Variants in MAD1L1 observed in about 807,000 individuals in gnomAD.
MAD1L1 encodes the protein mitotic arrest deficient 1 like 1, also known as mitotic spindle assembly checkpoint protein MAD1.
MAD1L1 carries 95 observed loss-of-function variants against 96.9 expected under a neutral mutation model. The observed-to-expected ratio is 0.98, with a 90% CI of 0.83 to 1.16. The LOEUF is 1.16. Ranked by LOEUF, MAD1L1 falls within the 50% of genes most tolerant of loss-of-function variation. The pLI is 0.00. For missense variants in MAD1L1, 1,007 were observed against 954.4 expected, an observed-to-expected ratio of 1.06 and a Z score of -0.73; for synonymous variants, 473 against 396.6, an observed-to-expected ratio of 1.19 and a Z score of -2.29.
intron 13 of MAD1L1, among the ~76,000 whole-genome samples, chr7:2,011,936 C>T (rs574737751): frequency 6.6e-6 from 1 of 152,232 alleles, no homozygotes; most frequent in South Asian, 2.1e-4. Flanking sequence ...GGAGGACCAG[C>T]CGTGTGAACT....
intron 16 of MAD1L1, among the ~76,000 whole-genome samples, chr7:1,943,699 G>A (rs1779103130): frequency 6.6e-6 from 1 of 152,058 alleles, no homozygotes; most frequent in Non-Finnish European, 1.5e-5. Context: ...TGGTGAAACG[G>A]TTACCATGTG....
rs116618262 is a variant in MAD1L1 at position 1,883,283 on chromosome 7, C to T, written c.1998+14917G>A. On this transcript the variant is annotated intron_variant, in intron 18 of 18. Transcript: ENST00000265854. ...GTGAATCACAAATGTCCACCCCTTC[C>T]CCCACCATGAGCTCCTTAACACCCG... 7.9e-3 allele frequency among the ~76,000 whole-genome samples: 1,201 copies of T among 152,276 alleles called. 15 individuals are homozygous for T. Among genetic ancestry groups the T allele is most frequent in the African/African-American group, 0.028 (1,162 of 41,536 alleles).
At chr7:1,853,595 A>G (rs546567070) in intron 18 of MAD1L1, among the ~76,000 whole-genome samples, 1 of 152,020 alleles carries the variant, frequency 6.6e-6, no homozygotes, top group African/African-American at 2.4e-5. Flanking sequence ...CTGCCTGACC[A>G]CAGCAGACTG....
At chr7:2,108,259 A>C (rs1288471823) in intron 11 of MAD1L1, among the ~76,000 whole-genome samples, 1 of 152,194 alleles carries the variant, frequency 6.6e-6, no homozygotes, top group Non-Finnish European at 1.5e-5. Context: ...TCATCCCCAC[A>C]TTGTGTCTCA....
At chr7:2,134,341 A>G (rs1032972424) in intron 11 of MAD1L1, among the ~76,000 whole-genome samples, 7 of 152,054 alleles carry the variant, frequency 4.6e-5, no homozygotes, top group Non-Finnish European at 1.0e-4. Flanking sequence ...TATGGCCCAT[A>G]CCCTGCTCTC....
chr7:2,037,996 G>C (rs1464612503), intron 12 of MAD1L1, among the ~76,000 whole-genome samples: 5 of 152,232 alleles, frequency 3.3e-5, no homozygotes, highest in Non-Finnish European at 7.3e-5. Context: ...AGCTCGCCAA[G>C]TTGTGAATGC....
intron 18 of MAD1L1, among the ~76,000 whole-genome samples, chr7:1,894,230 C>A (rs906652540): frequency 6.6e-6 from 1 of 152,170 alleles, no homozygotes; most frequent in African/African-American, 2.4e-5. Flanking sequence ...TTCTTGGAAC[C>A]CAAGGGGGAG....
rs199709421 is a variant in MAD1L1, at chr7:2,183,910, AAAAAATAAAAAT to A, written c.986+29290_986+29301del. ...TAAAACTTAAAGTATAATAATAATA[AAAAAATAAAAAT>A]AAAAATAAAAATAAAAAACAAAGCT... is the stretch of plus-strand genomic sequence containing the variant. On this transcript the variant is annotated intron_variant, in intron 10 of 18. Coordinates refer to ENST00000265854, the MANE Select transcript of MAD1L1 (RefSeq NM_001013836.2). 6.1e-4 allele frequency among the ~76,000 whole-genome samples: 92 copies of A among 152,018 alleles called. 1 individual carries two copies. The East Asian group carries it at 0.01, about 17-fold the overall frequency.
chr7:1,974,345 A>T (rs976500239), intron 15 of MAD1L1, among the ~76,000 whole-genome samples: 1 of 152,242 alleles, frequency 6.6e-6, no homozygotes, highest in Non-Finnish European at 1.5e-5. Context: ...ATCCAGAAAG[A>T]AAAGAGTAAG....
intron 18 of MAD1L1, among the ~76,000 whole-genome samples, chr7:1,875,171 T>C (rs1338775478): frequency 2.0e-5 from 3 of 152,148 alleles, no homozygotes; most frequent in Non-Finnish European, 4.4e-5. Context: ...ACAGGGGCCA[T>C]GGCTTCTGAC....
chr7:2,221,156 C>T (rs10231432), intron 5 of MAD1L1: 5 of 781,012 alleles, frequency 6.4e-6, no homozygotes, highest in South Asian at 1.8e-5. Flanking sequence ...CTATGCCCCA[C>T]CCCACCGGGC....
In MAD1L1 at chr7:2,004,936, T is replaced by G. The variant is rs1781964601; in HGVS notation, c.1360-2815A>C. Among the ~76,000 whole-genome samples the G allele has an allele frequency of 2.0e-5, 3 of 152,136 alleles. 1 individual carries two copies. Among genetic ancestry groups the G allele is most frequent in the African/African-American group, 7.2e-5 (3 of 41,410 alleles). On this transcript the variant is annotated intron_variant, in intron 13 of 18. Transcript: ENST00000265854. ...CACCAGTGAGATTTCTGATACATCCTCAAAGCCACAGTCGCTGGCGAAAGG... is the reference window on the plus strand; with the variant it reads ...CACCAGTGAGATTTCTGATACATCCGCAAAGCCACAGTCGCTGGCGAAAGG...
At chr7:2,040,503 T>G (rs148434036) in intron 12 of MAD1L1, among the ~76,000 whole-genome samples, 22 of 152,372 alleles carry the variant, frequency 1.4e-4, no homozygotes, top group Non-Finnish European at 2.6e-4. Flanking sequence ...GGTCCATCTC[T>G]GAGTTCACGA....
intron 16 of MAD1L1, among the ~76,000 whole-genome samples, chr7:1,943,593 G>C (rs1198205265): frequency 6.6e-6 from 1 of 152,168 alleles, no homozygotes; most frequent in Non-Finnish European, 1.5e-5. Context: ...CCCCAGGACG[G>C]CTGGGAAGTC....
At chr7:1,936,951 G>T in intron 16 of MAD1L1, 54 bp from the exon 17 acceptor site, 1 of 1,420,586 alleles carries the variant, frequency 7.0e-7, no homozygotes. Flanking sequence ...CACGCAGCAC[G>T]GGTCACACAC....
At chr7:2,044,636 C>T (rs1783840226) in intron 12 of MAD1L1, among the ~76,000 whole-genome samples, 1 of 152,160 alleles carries the variant, frequency 6.6e-6, no homozygotes, top group Admixed American at 6.5e-5. Context: ...AGGCGATCGA[C>T]CACACAAGCC....
intron 18 of MAD1L1, among the ~76,000 whole-genome samples, chr7:1,888,270 C>T (rs892199386): frequency 8.0e-6 from 1 of 124,242 alleles, no homozygotes; most frequent in African/African-American, 2.8e-5. Flanking sequence ...ATGGGTGCAG[C>T]TGCCTGTGCA....
At chr7:2,213,295 A>C in intron 9 of MAD1L1, 22 bp from the exon 10 acceptor site, 1 of 1,611,232 alleles carries the variant, frequency 6.2e-7, no homozygotes, top group Non-Finnish European at 8.5e-7. Context: ...ACAAAAGCAC[A>C]GACCCTGTCA....
intron 11 of MAD1L1, among the ~76,000 whole-genome samples, chr7:2,102,483 A>G (rs1786859085): frequency 1.0e-5 from 1 of 97,914 alleles, no homozygotes; most frequent in Non-Finnish European, 2.2e-5. Flanking sequence ...TACTGTCACC[A>G]CTCACCACTG....
Sources: allele counts gnomAD v4.1 joint callset (sites outside exome capture counted in the v4.1 genomes callset), GRCh38; gene constraint gnomAD v4.1.1; transcripts MANE v1.5; gene names NCBI Gene and HGNC (gene_info 2026-07-23, HGNC 2026-07-21).